TENM2: variants seen among roughly 807,000 people sequenced by gnomAD.
The protein encoded by TENM2 is teneurin transmembrane protein 2.
In TENM2, 52 loss-of-function variants were observed where a neutral mutation model predicts 245.2. The ratio of observed to expected loss-of-function variants is 0.21; its 90% confidence interval spans 0.17 to 0.27. The LOEUF (loss-of-function observed/expected upper bound fraction) is 0.27. Ranked by LOEUF, TENM2 falls within the 10% of genes least tolerant of loss-of-function variation. The pLI, the probability that TENM2 is intolerant of heterozygous loss-of-function variation, is 1.00. For missense variants in TENM2, 3,046 were observed against 3,666.8 expected (o/e 0.83, Z 4.37); for synonymous variants, 1,363 against 1,438.9 (o/e 0.95, Z 1.19).
At chr5:168,097,770 T>C (rs923357165) in intron 8 of TENM2, among the ~76,000 whole-genome samples, 1 of 152,048 alleles carries the variant, frequency 6.6e-6, no homozygotes, top group Non-Finnish European at 1.5e-5. Context: ...AGTTTATTCT[T>C]AAAAAGTGAA....
At chr5:167,135,555 T>A in the TENM2 span, among the ~76,000 whole-genome samples, 1 of 152,116 alleles carries the variant, frequency 6.6e-6, no homozygotes, top group Non-Finnish European at 1.5e-5. Flanking sequence ...GGTGGGCAGA[T>A]GACAAGGTCA....
upstream of TENM2, among the ~76,000 whole-genome samples, chr5:167,283,497 T>G (rs758220298): frequency 1.3e-5 from 2 of 152,230 alleles, no homozygotes; most frequent in Admixed American, 6.5e-5. Context: ...ACTTGGCTTC[T>G]GGTGTCTGCA....
the TENM2 span, among the ~76,000 whole-genome samples, chr5:167,046,136 G>GA: frequency 2.0e-5 from 3 of 151,460 alleles, no homozygotes; most frequent in Non-Finnish European, 2.9e-5. Flanking sequence ...GAACTCACGG[G>GA]AAAAAAAAGG....
intron 2 of TENM2, among the ~76,000 whole-genome samples, chr5:167,537,856 C>A (rs1474031569): frequency 6.6e-6 from 1 of 152,178 alleles, no homozygotes; most frequent in Non-Finnish European, 1.5e-5. Flanking sequence ...TAGATACCAG[C>A]CAATTCATGC....
At chr5:167,901,554 T>G (rs192253386) in intron 3 of TENM2, among the ~76,000 whole-genome samples, 92 of 152,300 alleles carry the variant, frequency 6.0e-4, no homozygotes, top group African/African-American at 2.1e-3. Flanking sequence ...GTTCTTAATC[T>G]GTCAAGTAGG....
chr5:168,206,913 C>T (rs1455870458), intron 19 of TENM2, among the ~76,000 whole-genome samples: 1 of 152,148 alleles, frequency 6.6e-6, no homozygotes, highest in Non-Finnish European at 1.5e-5. Flanking sequence ...CTAATCAGCC[C>T]TCACCTGGTA....
the TENM2 span, among the ~76,000 whole-genome samples, chr5:167,187,924 T>C: frequency 6.6e-6 from 1 of 152,156 alleles, no homozygotes; most frequent in Non-Finnish European, 1.5e-5. Flanking sequence ...CTATTTCACA[T>C]TTCTCCCCCT....
chr5:167,372,079 A>G (rs2127300158), intron 1 of TENM2, among the ~76,000 whole-genome samples: 1 of 152,274 alleles, frequency 6.6e-6, no homozygotes, highest in African/African-American at 2.4e-5. Flanking sequence ...GAAGATGAAA[A>G]GGTAATTTTA....
intron 2 of TENM2, chr5:167,755,307 A>G (rs1762236876): frequency 1.4e-6 from 1 of 697,666 alleles, no homozygotes; most frequent in South Asian, 2.3e-5. Context: ...GAGATGGGAG[A>G]CTTGACGGTG....
At chr5:167,562,395 G>GGTGT (rs1773650773) in intron 2 of TENM2, among the ~76,000 whole-genome samples, 10 of 152,110 alleles carry the variant, frequency 6.6e-5, no homozygotes, top group Admixed American at 6.6e-4. Flanking sequence ...GCAGAACAAT[G>GGTGT]GGGAGAATGA....
At chr5:167,186,070 A>G in the TENM2 span, among the ~76,000 whole-genome samples, 1 of 152,296 alleles carries the variant, frequency 6.6e-6, no homozygotes, top group South Asian at 2.1e-4. Flanking sequence ...AGATAAAAAC[A>G]TTTAACAGAG....
chr5:167,647,733 T>C (rs992029162), intron 2 of TENM2, among the ~76,000 whole-genome samples: 1 of 152,158 alleles, frequency 6.6e-6, no homozygotes, highest in Non-Finnish European at 1.5e-5. Flanking sequence ...AAATTAATAA[T>C]GCACGACTGC....
intron 2 of TENM2, among the ~76,000 whole-genome samples, chr5:167,611,077 T>A (rs1019435814): frequency 6.6e-6 from 1 of 152,218 alleles, no homozygotes; most frequent in Non-Finnish European, 1.5e-5. Flanking sequence ...CTATAGTAGC[T>A]GTAGGCCTTC....
At chr5:167,485,981 C>T (rs1768040904) in intron 2 of TENM2, among the ~76,000 whole-genome samples, 1 of 152,098 alleles carries the variant, frequency 6.6e-6, no homozygotes, top group Admixed American at 6.5e-5. Context: ...CTTGTAACCA[C>T]ATGTTCGTAT....
At chr5:167,596,457 T>C (rs962344605) in intron 2 of TENM2, among the ~76,000 whole-genome samples, 3 of 152,142 alleles carry the variant, frequency 2.0e-5, no homozygotes, top group Admixed American at 1.3e-4. Context: ...TAGTTTCTAT[T>C]GTTTCATCAG....
intron 2 of TENM2, among the ~76,000 whole-genome samples, chr5:167,832,819 C>T (rs1768624148): frequency 6.6e-6 from 1 of 152,116 alleles, no homozygotes. Context: ...TTGTAAAGGC[C>T]CATTGTGCAA....
the TENM2 span, among the ~76,000 whole-genome samples, chr5:167,083,128 A>C: frequency 6.6e-6 from 1 of 152,062 alleles, no homozygotes; most frequent in African/African-American, 2.4e-5. Flanking sequence ...TTCTCCTTTC[A>C]CTAGAAAGCA....
At chr5:167,144,125 A>G in the TENM2 span, among the ~76,000 whole-genome samples, 1 of 152,100 alleles carries the variant, frequency 6.6e-6, no homozygotes, top group African/African-American at 2.4e-5. Context: ...AACGGGTGTG[A>G]CGTAAACATC....
chr5:167,395,422 A>G (rs1209287722), intron 2 of TENM2, among the ~76,000 whole-genome samples: 3 of 152,154 alleles, frequency 2.0e-5, no homozygotes, highest in Non-Finnish European at 2.9e-5. Context: ...GGTTTTCTGC[A>G]TATAAGATTG....
Sources: gnomAD v4.1 joint callset for allele counts (sites outside exome capture counted in the v4.1 genomes callset) on GRCh38, gnomAD v4.1.1 for gene constraint, MANE v1.5 for transcripts, NCBI Gene and HGNC (gene_info 2026-07-23, HGNC 2026-07-21) for gene names.